The following SOX5 variants were observed in gnomAD, a reference collection of about 807,000 sequenced individuals.
SOX5 encodes the protein SRY-box transcription factor 5, also known as transcription factor SOX-5.
In SOX5, 9 loss-of-function variants were observed where a neutral mutation model predicts 92.0. The observed-to-expected ratio is 0.10, with a 90% CI of 0.06 to 0.17. The LOEUF is 0.17. Ranked by LOEUF, SOX5 falls within the 10% of genes least tolerant of loss-of-function variation. The pLI is 1.00. For missense variants in SOX5, 642 were observed against 944.5 expected (o/e 0.68, Z 4.20); for synonymous variants, 344 against 336.3 (o/e 1.02, Z -0.25).
chr12:24,034,355 C>T (rs940500359), intron 4 of SOX5, among the ~76,000 whole-genome samples: 2 of 152,016 alleles, frequency 1.3e-5, no homozygotes, highest in Non-Finnish European at 2.9e-5. Flanking sequence ...CCCCTCCTCT[C>T]TCCTGCCTCT....
At chr12:24,291,532 A>T (rs192705241) in intron 2 of SOX5, among the ~76,000 whole-genome samples, 57 of 152,356 alleles carry the variant, frequency 3.7e-4, no homozygotes, top group Middle Eastern at 3.4e-3. Flanking sequence ...AGAGATGTAG[A>T]TAAATCTGCT....
intron 4 of SOX5, among the ~76,000 whole-genome samples, chr12:23,971,102 G>A (rs1197370349): frequency 7.3e-6 from 1 of 136,744 alleles, no homozygotes; most frequent in African/African-American, 2.7e-5. Flanking sequence ...ACAGCCATCT[G>A]AGTAGGTGTG....
intron 1 of SOX5, among the ~76,000 whole-genome samples, chr12:24,554,778 A>T (rs1476282840): frequency 6.6e-6 from 1 of 152,140 alleles, no homozygotes; most frequent in East Asian, 1.9e-4. Flanking sequence ...CTGAGTCTAA[A>T]TGACGTGGTC....
At chr12:24,123,966 G>T (rs887230559) in intron 4 of SOX5, among the ~76,000 whole-genome samples, 1 of 152,150 alleles carries the variant, frequency 6.6e-6, no homozygotes, top group Non-Finnish European at 1.5e-5. Context: ...GTCTCACCTT[G>T]TGCTAAAAAG....
intron 4 of SOX5, among the ~76,000 whole-genome samples, chr12:24,088,932 AT>A (rs1476146120): frequency 6.6e-6 from 1 of 152,082 alleles, no homozygotes; most frequent in African/African-American, 2.4e-5. Flanking sequence ...GATGTGAATC[AT>A]TGCCAATTTC....
chr12:23,759,809 T>G (rs4963560), intron 3 of SOX5, among the ~76,000 whole-genome samples: 17,073 of 152,120 alleles, frequency 0.11, 1,086 homozygotes, highest in South Asian at 0.15. Flanking sequence ...AGTAATTATC[T>G]ATTAAATATT....
At chr12:23,876,730 A>T (rs2136987150) in intron 2 of SOX5, among the ~76,000 whole-genome samples, 1 of 152,324 alleles carries the variant, frequency 6.6e-6, no homozygotes, top group South Asian at 2.1e-4. Context: ...AATAACAAAG[A>T]CTTGGAACCA....
intron 4 of SOX5, among the ~76,000 whole-genome samples, chr12:24,033,817 A>T (rs1955748365): frequency 6.6e-6 from 1 of 152,116 alleles, no homozygotes; most frequent in Admixed American, 6.6e-5. Context: ...GTTGTATAAA[A>T]GAAGACACAA....
chr12:23,657,027 T>C (rs2082390272), intron 7 of SOX5, among the ~76,000 whole-genome samples: 1 of 152,074 alleles, frequency 6.6e-6, no homozygotes. Context: ...AATGTTTGAG[T>C]ATACTCTTTG....
intron 3 of SOX5, among the ~76,000 whole-genome samples, chr12:24,254,843 T>A (rs1940871208): frequency 6.6e-6 from 1 of 152,078 alleles, no homozygotes; most frequent in South Asian, 2.1e-4. Context: ...CTTCTTTCTG[T>A]CTTTTAAGAA....
intron 1 of SOX5, among the ~76,000 whole-genome samples, chr12:23,913,966 C>A (rs2097382716): frequency 6.6e-6 from 1 of 152,108 alleles, no homozygotes; most frequent in South Asian, 2.1e-4. Flanking sequence ...AGCATTTCAT[C>A]CTTGTTAACC....
chr12:23,592,264 C>T (rs191281389), intron 9 of SOX5, among the ~76,000 whole-genome samples: 2 of 152,112 alleles, frequency 1.3e-5, no homozygotes, highest in East Asian at 3.9e-4. Flanking sequence ...TCTGATAAGA[C>T]CCGAAAAAGG....
intron 4 of SOX5, among the ~76,000 whole-genome samples, chr12:24,103,718 A>G (rs1453376678): frequency 1.3e-5 from 2 of 152,226 alleles, no homozygotes; most frequent in Non-Finnish European, 2.9e-5. Context: ...GCTTTATATA[A>G]CAACATCATA....
intron 1 of SOX5, among the ~76,000 whole-genome samples, chr12:24,466,610 C>A (rs1413694432): frequency 6.6e-6 from 1 of 152,164 alleles, no homozygotes; most frequent in East Asian, 1.9e-4. Flanking sequence ...CGCTGTGGCC[C>A]AATATGGCCA....
At chr12:23,850,429 A>C (rs1480398511) in intron 2 of SOX5, among the ~76,000 whole-genome samples, 28 of 112,784 alleles carry the variant, frequency 2.5e-4, no homozygotes, top group South Asian at 2.5e-3. Flanking sequence ...CTCTGTCTAC[A>C]AAAAAAAAAT....
At chr12:24,520,470 A>C (rs1194617088) in intron 1 of SOX5, among the ~76,000 whole-genome samples, 1 of 151,716 alleles carries the variant, frequency 6.6e-6, no homozygotes, top group Non-Finnish European at 1.5e-5. Context: ...ACAAAGAAAA[A>C]AAATCTATAA....
intron 8 of SOX5, among the ~76,000 whole-genome samples, chr12:23,635,913 G>A (rs2079168861): frequency 1.3e-5 from 2 of 152,084 alleles, no homozygotes; most frequent in South Asian, 4.1e-4. Context: ...ATGGGGAAGA[G>A]GGAGGAAGAG....
chr12:24,536,359 G>A (rs1428131324), intron 1 of SOX5, among the ~76,000 whole-genome samples: 2 of 152,144 alleles, frequency 1.3e-5, no homozygotes, highest in African/African-American at 4.8e-5. Flanking sequence ...AGAGATGTCG[G>A]GATCAAGGCA....
Position 23,647,407 on chromosome 12 carries a change from A to G in SOX5, c.932-6510T>C, listed in dbSNP as rs76420157. The stretch of plus-strand genomic sequence containing the variant: ...ATTCTTAAAAAAACTAAGATTTTCA[A>G]AATAGTAAATGAGCTTTGGCTTCAA... On this transcript the variant is annotated intron_variant, in intron 7 of 14. Transcript: ENST00000451604. 5.3e-3 allele frequency among the ~76,000 whole-genome samples: 807 copies of G among 152,312 alleles called. 3 individuals are homozygous for G. Among genetic ancestry groups the G allele is most frequent in the African/African-American group, 0.019 (772 of 41,576 alleles).
Sources: gnomAD v4.1 joint callset for allele counts (sites outside exome capture counted in the v4.1 genomes callset) on GRCh38, gnomAD v4.1.1 for gene constraint, MANE v1.5 for transcripts, NCBI Gene and HGNC (gene_info 2026-07-23, HGNC 2026-07-21) for gene names.